Variants in NETO2 observed in about 807,000 individuals in gnomAD.
The protein encoded by NETO2 is neuropilin and tolloid-like protein 2.
NETO2 carries 28 observed loss-of-function variants against 62.5 expected under a neutral mutation model. The observed-to-expected ratio is 0.45, with a 90% CI of 0.33 to 0.61. The LOEUF is 0.61. Among genes scored for constraint, NETO2 ranks in the 20% least tolerant of loss-of-function variants. The pLI is 0.02. For synonymous variants in NETO2, 214 were observed against 219.1 expected (o/e 0.98, Z 0.21); for missense variants, 548 against 643.2 (o/e 0.85, Z 1.60).
At chr16:47,111,303 GCTTTT>G (rs764457474) in intron 6 of NETO2, among the ~76,000 whole-genome samples, 21 of 152,198 alleles carry the variant, frequency 1.4e-4, no homozygotes, top group Non-Finnish European at 2.6e-4. Flanking sequence ...TTTACTCTCT[GCTTTT>G]CTTTTAATCC....
At chr16:47,086,132 C>CT in intron 8 of NETO2, 94 bp downstream of exon 8, 1 of 798,594 alleles carries the variant, frequency 1.3e-6, no homozygotes, top group Non-Finnish European at 2.2e-6. Flanking sequence ...AGCAGCTATG[C>CT]TAAGCACTGT....
At chr16:47,097,437 C>A (rs2143844103) in intron 7 of NETO2, among the ~76,000 whole-genome samples, 1 of 152,368 alleles carries the variant, frequency 6.6e-6, no homozygotes, top group Non-Finnish European at 1.5e-5. Context: ...CCCACCGCAG[C>A]TCAGCAAAGC....
chr16:47,081,188 T>C lies in NETO2; in HGVS notation c.*2033A>G, dbSNP rs1963054624. On this transcript the variant is annotated 3_prime_UTR_variant, in exon 9 of 9. Transcript: ENST00000562435. ...TTTAACAGCTATTTTAAAAAATGAA[T>C]AATTTTACATAGAAAATATGCTAAC... is the stretch of plus-strand genomic sequence containing the variant. 1 of 152,038 alleles carries C rather than the reference T, an allele frequency of 6.6e-6. No individual in the cohort carries two copies. Among genetic ancestry groups the C allele is most frequent in the African/African-American group, 2.4e-5 (1 of 41,456 alleles). The allele number at this position is 152,038 out of a possible 1,614,324, so 9.4% of individuals were successfully genotyped here.
chr16:47,117,521 A>T, intron 6 of NETO2, among the ~76,000 whole-genome samples: 1 of 152,156 alleles, frequency 6.6e-6, no homozygotes, highest in East Asian at 1.9e-4. Flanking sequence ...ACTGTCCCAT[A>T]GACAGTTTTC....
chr16:47,085,841 C>T (rs1009328141), intron 8 of NETO2, among the ~76,000 whole-genome samples: 2 of 151,908 alleles, frequency 1.3e-5, no homozygotes, highest in Non-Finnish European at 2.9e-5. Flanking sequence ...CGCGGTGGCT[C>T]ATGCCTGTAA....
Position 47,079,386 on chromosome 16 carries a change from G to C in NETO2, c.*3835C>G, listed in dbSNP as rs1873903545. On this transcript the variant is annotated 3_prime_UTR_variant, in exon 9 of 9. Transcript: ENST00000562435. Reference sequence around the variant, plus strand: ...CGAGGCGGGTGGATCACGAGGTCAGGAGATTGAGACTATCCTGGCTAACAC... The same window carrying C: ...CGAGGCGGGTGGATCACGAGGTCAGCAGATTGAGACTATCCTGGCTAACAC... 2 of 150,934 alleles carry C rather than the reference G, an allele frequency of 1.3e-5. No homozygotes were observed. Among genetic ancestry groups the C allele is most frequent in the Admixed American group, 1.3e-4 (2 of 15,058 alleles). 9.3% of individuals were successfully genotyped at this position (150,934 alleles called of 1,614,324 possible). A position where few individuals can be genotyped will look rare whatever the true frequency, so the allele number is the denominator to read the frequency against.
chr16:47,083,220 A>G lies in NETO2; in HGVS notation c.*1T>C, dbSNP rs369784246. On this transcript the variant is annotated 3_prime_UTR_variant, in exon 9 of 9. Coordinates refer to ENST00000562435, the MANE Select transcript of NETO2 (RefSeq NM_018092.5). ...GAATTCACATCACCATTAGCAGAAG[A>G]TTAGAAGTCAATGGATATGGATGCT... 1.2e-6 allele frequency: 2 copies of G among 1,603,668 alleles called. No homozygotes were observed. Among genetic ancestry groups the G allele is most frequent in the Non-Finnish European group, 1.7e-6 (2 of 1,174,066 alleles).
chr16:47,095,948 T>C (rs536743668), intron 7 of NETO2, among the ~76,000 whole-genome samples: 3 of 152,222 alleles, frequency 2.0e-5, no homozygotes, highest in East Asian at 3.9e-4. Flanking sequence ...ATGACTGAAA[T>C]ATAAAATTTA....
At chr16:47,125,344 T>C (rs960944655) in intron 4 of NETO2, among the ~76,000 whole-genome samples, 5 of 151,844 alleles carry the variant, frequency 3.3e-5, no homozygotes, top group African/African-American at 9.7e-5. Flanking sequence ...GCTTACTAGC[T>C]ACTAGTTTTT....
Position 47,083,437 on chromosome 16 carries a change from G to A in NETO2, c.1362C>T (p.Leu454=). The change falls in exon 9 of 9, where the codon CTC becomes CTT. Residue 454 remains leucine (L), a synonymous_variant. Transcript: ENST00000562435. ...TTCGGAAAGGAAGTTCCATGGAACT[G>A]AGGTTGGTCCTGCTTTGTTTGACGC... The part of the protein sequence containing the change: ...ASSVKQSRTN[L]SSMELPFRND... 6.2e-7 allele frequency: 1 copy of A among 1,614,220 alleles called. No individual in the cohort carries two copies. The highest frequency in any genetic ancestry group is 1.1e-5 in the South Asian group (1 of 91,078).
At chr16:47,113,585 CTTTTTTTT>C (rs953891691) in intron 6 of NETO2, among the ~76,000 whole-genome samples, 1 of 106,642 alleles carries the variant, frequency 9.4e-6, no homozygotes, top group Admixed American at 9.4e-5. Flanking sequence ...ACAGTTTATT[CTTTTTTTT>C]TTTTTTTTTT....
intron 1 of NETO2, among the ~76,000 whole-genome samples, chr16:47,133,604 C>A (rs570124812): frequency 0.011 from 1,546 of 135,836 alleles, 59 homozygotes; most frequent in Non-Finnish European, 0.015. Context: ...AATGACATAA[C>A]ATAAAATAAA....
intron 1 of NETO2, among the ~76,000 whole-genome samples, chr16:47,132,291 AGTTTT>A (rs1964281842): frequency 6.6e-6 from 1 of 151,696 alleles, no homozygotes. Flanking sequence ...TCAACTTAAT[AGTTTT>A]GTTTAAAAAA....
chr16:47,095,345 C>G (rs1164905451), intron 7 of NETO2, among the ~76,000 whole-genome samples: 1 of 152,116 alleles, frequency 6.6e-6, no homozygotes, highest in Non-Finnish European at 1.5e-5. Flanking sequence ...AGCAAAGTGA[C>G]AGAACCTTCC....
chr16:47,116,120 G>T (rs1484619939), intron 6 of NETO2, among the ~76,000 whole-genome samples: 6 of 150,864 alleles, frequency 4.0e-5, no homozygotes, highest in Non-Finnish European at 5.9e-5. Context: ...CACTAAGTAT[G>T]GTGTCAGCTG....
chr16:47,127,300 T>C (rs1392722106), intron 4 of NETO2, among the ~76,000 whole-genome samples: 1 of 152,162 alleles, frequency 6.6e-6, no homozygotes, highest in African/African-American at 2.4e-5. Flanking sequence ...GGCTTTACAG[T>C]TCTCAGAGTG....
rs1415419456 is a variant in NETO2 at position 47,143,621 on chromosome 16, G to C, written c.-9C>G. On this transcript the variant is annotated 5_prime_UTR_variant, in exon 1 of 9. Coordinates refer to ENST00000562435, the MANE Select transcript of NETO2 (RefSeq NM_018092.5). ...AGCCGCTCCAGGGCCATGTTCCCGA[G>C]CTGCCCGGCGCTTCGCGAAGGGCTG... The C allele has an allele frequency of 8.2e-7, 1 of 1,221,528 alleles. No individual in the cohort carries two copies. The highest frequency in any genetic ancestry group is 3.3e-5 in the East Asian group (1 of 30,432). The allele number at this position is 1,221,528 out of a possible 1,614,324, so 75.7% of individuals were successfully genotyped here.
chr16:47,131,219 T>C (rs1249262594), intron 2 of NETO2, among the ~76,000 whole-genome samples: 3 of 152,042 alleles, frequency 2.0e-5, no homozygotes, highest in Admixed American at 1.3e-4. Context: ...CACTCAAATA[T>C]GGATGGGGTG....
intron 4 of NETO2, 89 bp from the exon 5 acceptor site, chr16:47,123,001 T>C (rs572430389): frequency 2.3e-6 from 3 of 1,280,290 alleles, no homozygotes; most frequent in East Asian, 2.3e-5. Context: ...TTCCATTTCA[T>C]AGCAAGGTAA....
Sources: gnomAD v4.1 joint callset for allele counts (sites outside exome capture counted in the v4.1 genomes callset) on GRCh38, gnomAD v4.1.1 for gene constraint, MANE v1.5 for transcripts, NCBI Gene and HGNC (gene_info 2026-07-23, HGNC 2026-07-21) for gene names.